DISP1: variants seen among roughly 807,000 people sequenced by gnomAD.
DISP1 encodes protein dispatched homolog 1.
DISP1 carries 30 observed loss-of-function variants against 37.3 expected under a neutral mutation model. The observed-to-expected ratio is 0.80, with a 90% CI of 0.60 to 1.09. The LOEUF (loss-of-function observed/expected upper bound fraction) is 1.09, where lower values mean the gene tolerates loss of function less well. Among genes scored for constraint, DISP1 ranks in the 50% least tolerant of loss-of-function variants. DISP1 has a pLI of 0.00. For missense variants in DISP1, 1,598 were observed against 1,879.5 expected (o/e 0.85, Z 2.77); for synonymous variants, 634 against 690.2 (o/e 0.92, Z 1.28).
intron 1 of DISP1, among the ~76,000 whole-genome samples, chr1:222,839,958 C>G (rs1667487674): frequency 6.6e-6 from 1 of 151,798 alleles, no homozygotes; most frequent in Non-Finnish European, 1.5e-5. Flanking sequence ...TTTAGTACAC[C>G]TAGCTTAATG....
chr1:222,973,573 T>G (rs1677102238), intron 3 of DISP1, among the ~76,000 whole-genome samples: 1 of 152,220 alleles, frequency 6.6e-6, no homozygotes, highest in Non-Finnish European at 1.5e-5. Context: ...AAGAATCTTC[T>G]TATTAACAAG....
chr1:223,004,711 A>G lies in DISP1; in HGVS notation c.3314A>G (p.Tyr1105Cys). The G allele has an allele frequency of 6.2e-7, 1 of 1,614,010 alleles. No individual in the cohort carries two copies. Among genetic ancestry groups the G allele is most frequent in the Non-Finnish European group, 8.5e-7 (1 of 1,180,028 alleles). The change falls in exon 9 of 9, where the codon TAC (tyrosine) becomes TGC (cysteine). Residue 1105 changes from tyrosine to cysteine, a missense_variant. By Grantham distance (194) the Tyr-to-Cys change is radical. Coordinates refer to ENST00000675850, the MANE Select transcript of DISP1 (RefSeq NM_001377229.1). This position sits in a 1 kb window ranked among gnomAD's most constrained non-coding sequence, Gnocchi z 4.9. ...AMMMPSTVLA[Y>C]TQLGTFMMLI... Reference sequence around the variant, plus strand: ...ATGATGCCCTCCACAGTTCTAGCTTACACCCAGCTGGGCACCTTCATGATG... The same window carrying G: ...ATGATGCCCTCCACAGTTCTAGCTTGCACCCAGCTGGGCACCTTCATGATG...
intron 1 of DISP1, among the ~76,000 whole-genome samples, chr1:222,864,120 A>G (rs1361387025): frequency 6.6e-6 from 1 of 152,192 alleles, no homozygotes; most frequent in Non-Finnish European, 1.5e-5. Context: ...CTAAACTAAG[A>G]GTTCATATTG....
At chr1:222,964,226 G>A (rs1676287761) in intron 3 of DISP1, among the ~76,000 whole-genome samples, 2 of 151,448 alleles carry the variant, frequency 1.3e-5, no homozygotes, top group Non-Finnish European at 1.5e-5. Flanking sequence ...TTCAACCTGG[G>A]AGGCGGAGGT....
intron 1 of DISP1, among the ~76,000 whole-genome samples, chr1:222,865,930 C>T (rs1410597883): frequency 6.6e-6 from 1 of 152,166 alleles, no homozygotes; most frequent in Non-Finnish European, 1.5e-5. Context: ...GGCCGGCCCC[C>T]TGTTGGGTTT....
At chr1:222,833,459 T>C (rs575018000) in intron 1 of DISP1, among the ~76,000 whole-genome samples, 2 of 152,360 alleles carry the variant, frequency 1.3e-5, no homozygotes, top group Admixed American at 1.3e-4. Flanking sequence ...AACTAACCTT[T>C]GATCTCTGAT....
At chr1:222,832,046 G>A (rs906529054) in intron 1 of DISP1, among the ~76,000 whole-genome samples, 1 of 151,950 alleles carries the variant, frequency 6.6e-6, no homozygotes, top group Non-Finnish European at 1.5e-5. Flanking sequence ...TTGGGAGGTC[G>A]AGGTGAGTGG....
chr1:222,983,132 A>T (rs1370267270), intron 4 of DISP1, 23 bp downstream of exon 4: 1 of 1,573,296 alleles, frequency 6.4e-7, no homozygotes, highest in East Asian at 2.2e-5. Flanking sequence ...GGGTCATCTT[A>T]TTAAATAATA....
intron 1 of DISP1, among the ~76,000 whole-genome samples, chr1:222,915,138 T>C (rs920191269): frequency 9.2e-5 from 14 of 152,226 alleles, no homozygotes; most frequent in Admixed American, 1.3e-4. Flanking sequence ...GAACCATCAT[T>C]GCAAATACAG....
At chr1:222,868,982 A>C (rs1328018243) in intron 1 of DISP1, among the ~76,000 whole-genome samples, 1 of 152,180 alleles carries the variant, frequency 6.6e-6, no homozygotes, top group Non-Finnish European at 1.5e-5. Context: ...TTTCCATGCA[A>C]AAACAAAGTT....
At chr1:222,941,622 C>T (rs1674392802) in intron 2 of DISP1, among the ~76,000 whole-genome samples, 1 of 152,066 alleles carries the variant, frequency 6.6e-6, no homozygotes, top group Admixed American at 6.5e-5. Flanking sequence ...CTCACAAATG[C>T]CTCTGCTGAG....
At chr1:222,919,434 T>C (rs1272093731) in intron 1 of DISP1, among the ~76,000 whole-genome samples, 1 of 152,124 alleles carries the variant, frequency 6.6e-6, no homozygotes, top group Non-Finnish European at 1.5e-5. Flanking sequence ...CGTTATCTGC[T>C]CCTCCCTGCT....
chr1:222,949,601 TA>T (rs1051509650), intron 3 of DISP1, among the ~76,000 whole-genome samples: 13 of 152,108 alleles, frequency 8.5e-5, no homozygotes, highest in African/African-American at 3.1e-4. Flanking sequence ...TTGAGAACAA[TA>T]AGGAATTTTA....
chr1:222,828,598 T>C (rs1027131815), intron 1 of DISP1, among the ~76,000 whole-genome samples: 2 of 152,194 alleles, frequency 1.3e-5, no homozygotes, highest in African/African-American at 2.4e-5. Flanking sequence ...AGGAGCTTTA[T>C]GTGAGATGGT....
At chr1:222,829,208 C>G (rs930328616) in intron 1 of DISP1, among the ~76,000 whole-genome samples, 5 of 152,070 alleles carry the variant, frequency 3.3e-5, no homozygotes, top group African/African-American at 1.2e-4. Flanking sequence ...TCCCTTGCAC[C>G]TTTTTCTAAG....
At chr1:222,896,790 C>T (rs1671285856) in intron 1 of DISP1, among the ~76,000 whole-genome samples, 1 of 151,892 alleles carries the variant, frequency 6.6e-6, no homozygotes, top group South Asian at 2.1e-4. Context: ...CCAATAAGCA[C>T]ATGGAAAGAT....
chr1:222,938,761 A>AGGG (rs1674159897), intron 2 of DISP1, among the ~76,000 whole-genome samples: 1 of 74,982 alleles, frequency 1.3e-5, no homozygotes, highest in Admixed American at 1.5e-4. Flanking sequence ...AAAAAAAAAA[A>AGGG]AGGAAGGAAG....
At chr1:222,877,968 G>A (rs1438621219) in intron 1 of DISP1, among the ~76,000 whole-genome samples, 4 of 152,204 alleles carry the variant, frequency 2.6e-5, no homozygotes, top group Non-Finnish European at 5.9e-5. Context: ...TCCAGTGGGA[G>A]AGTGGTGTTG....
At chr1:222,869,964 A>G (rs1033334570) in intron 1 of DISP1, among the ~76,000 whole-genome samples, 2 of 145,886 alleles carry the variant, frequency 1.4e-5, no homozygotes, top group African/African-American at 5.1e-5. Flanking sequence ...AACAGTCCCC[A>G]GTGTGTGATG....
Sources: gnomAD v4.1 joint callset for allele counts (sites outside exome capture counted in the v4.1 genomes callset) on GRCh38, gnomAD v4.1.1 for gene constraint, Gnocchi (gnomAD v3.1) non-coding constraint, MANE v1.5 for transcripts, NCBI Gene and HGNC (gene_info 2026-07-23, HGNC 2026-07-21) for gene names.